FRMPD4: variants seen among roughly 807,000 people sequenced by gnomAD.
FRMPD4 encodes the protein FERM and PDZ domain-containing protein 4.
FRMPD4 carries 22 observed loss-of-function variants against 94.1 expected under a neutral mutation model. That is an observed-to-expected ratio of 0.23 (90% confidence interval 0.17 to 0.33). The LOEUF (loss-of-function observed/expected upper bound fraction) is 0.33, where lower values mean the gene tolerates loss of function less well. FRMPD4 is among the 10% of genes least tolerant of loss of function. FRMPD4 has a pLI of 1.00. For missense variants in FRMPD4, 1,111 were observed against 1,339.9 expected (o/e 0.83, Z 2.67); for synonymous variants, 631 against 548.6 (o/e 1.15, Z -2.10).
chrX:12,483,510 G>A (rs1320380821), intron 1 of FRMPD4, among the ~76,000 whole-genome samples: 1 of 112,169 alleles, frequency 8.9e-6, no homozygotes, highest in African/African-American at 3.2e-5. Flanking sequence ...TATAAACAAA[G>A]TAGGAGTTCT....
At chrX:12,445,229 A>G (rs942469643) in intron 1 of FRMPD4, among the ~76,000 whole-genome samples, 4 of 112,316 alleles carry the variant, frequency 3.6e-5, no homozygotes, top group Non-Finnish European at 5.6e-5. Flanking sequence ...TAGAAATGAA[A>G]AACTGTAGGT....
Position 12,229,729 on chromosome X carries a change from TA to T in FRMPD4, c.41+90718del, listed in dbSNP as rs755763869. Reference sequence around the variant, plus strand: ...CATCTTGAAAAGATCTTAGTTCCATTATCTTCCTCCCTTGAGCTATGGACAT... The same window carrying T: ...CATCTTGAAAAGATCTTAGTTCCATTTCTTCCTCCCTTGAGCTATGGACAT... On this transcript the variant is annotated intron_variant, in intron 1 of 16. Coordinates refer to ENST00000675598, the MANE Select transcript of FRMPD4 (RefSeq NM_001368397.1). Among the ~76,000 whole-genome samples, 7 of 111,974 alleles carry T rather than the reference TA, an allele frequency of 6.3e-5. No homozygotes were observed. In the East Asian group the frequency reaches 1.7e-3, roughly 27 times the overall value.
intron 1 of FRMPD4, among the ~76,000 whole-genome samples, chrX:11,850,644 A>G (rs1212868227): frequency 8.9e-6 from 1 of 112,447 alleles, no homozygotes; most frequent in East Asian, 2.8e-4. Flanking sequence ...ATCCTGAAAC[A>G]TGATACAACA....
chrX:11,840,709 C>T, intron 1 of FRMPD4, among the ~76,000 whole-genome samples: 1 of 101,455 alleles, frequency 9.9e-6, no homozygotes, highest in Non-Finnish European at 2.0e-5. Flanking sequence ...AAGGAAGTTC[C>T]TTTATATTTT....
chrX:12,227,822 AGG>A (rs1160790883), intron 1 of FRMPD4, among the ~76,000 whole-genome samples: 7 of 95,601 alleles, frequency 7.3e-5, no homozygotes, highest in African/African-American at 2.4e-4. Context: ...AGAGAAAGAG[AGG>A]GAGAGAGAGA....
intron 3 of FRMPD4, among the ~76,000 whole-genome samples, chrX:12,133,431 C>A (rs1003867384): frequency 4.6e-5 from 5 of 107,774 alleles, no homozygotes; most frequent in Admixed American, 2.0e-4. Flanking sequence ...CATTTCTTTT[C>A]TTTATTTTTT....
At chrX:12,199,351 G>T (rs6640934) in intron 1 of FRMPD4, among the ~76,000 whole-genome samples, 23,365 of 107,630 alleles carry the variant, frequency 0.22, 2,391 homozygotes, top group East Asian at 0.61. Flanking sequence ...TTGAGCCTCT[G>T]CTCCTTTCCA....
At chrX:12,456,113 G>C (rs1277752920) in intron 1 of FRMPD4, among the ~76,000 whole-genome samples, 1 of 111,793 alleles carries the variant, frequency 8.9e-6, no homozygotes, top group African/African-American at 3.2e-5. Context: ...ATTTTCAAAT[G>C]GACATAAAGA....
chrX:12,512,929 G>A (rs2058058824), intron 2 of FRMPD4, among the ~76,000 whole-genome samples: 1 of 112,400 alleles, frequency 8.9e-6, no homozygotes, highest in East Asian at 2.8e-4. Context: ...GGCATGAGAT[G>A]ATATCTTATT....
At chrX:12,185,614 G>A (rs773111114) in intron 1 of FRMPD4, among the ~76,000 whole-genome samples, 1 of 103,339 alleles carries the variant, frequency 9.7e-6, no homozygotes, top group East Asian at 3.9e-4. Flanking sequence ...ACAATTGCTG[G>A]AATGGGAAAC....
chrX:11,966,067 G>GTGAAAA (rs1156712743), intron 3 of FRMPD4, among the ~76,000 whole-genome samples: 2 of 112,168 alleles, frequency 1.8e-5, no homozygotes, highest in Admixed American at 1.9e-4. Context: ...TTAAAATAGA[G>GTGAAAA]TGAAAATATA....
intron 3 of FRMPD4, among the ~76,000 whole-genome samples, chrX:11,914,297 T>TC (rs1367996766): frequency 1.9e-4 from 20 of 107,327 alleles, no homozygotes; most frequent in African/African-American, 6.8e-4. Context: ...TTTTCTTTTT[T>TC]TTTTTTTTTT....
chrX:12,421,924 T>G (rs2056889061), intron 1 of FRMPD4, among the ~76,000 whole-genome samples: 1 of 111,234 alleles, frequency 9.0e-6, no homozygotes, highest in African/African-American at 3.3e-5. Context: ...CTTTATTATG[T>G]TCTTCCCTCT....
intron 3 of FRMPD4, among the ~76,000 whole-genome samples, chrX:11,923,869 T>C (rs2054071148): frequency 8.9e-6 from 1 of 111,737 alleles, no homozygotes; most frequent in Admixed American, 9.4e-5. Flanking sequence ...AAAGCCAGAG[T>C]GCCTTCTTCT....
chrX:12,599,429 A>G (rs1283978016), intron 2 of FRMPD4, among the ~76,000 whole-genome samples: 1 of 111,780 alleles, frequency 8.9e-6, no homozygotes, highest in Non-Finnish European at 1.9e-5. Context: ...TACATTTCCA[A>G]TCCCCAAAGG....
At chrX:11,977,968 T>C (rs1369730965) in intron 3 of FRMPD4, among the ~76,000 whole-genome samples, 5 of 110,218 alleles carry the variant, frequency 4.5e-5, no homozygotes, top group Admixed American at 1.9e-4. Context: ...TGGAGAGGTA[T>C]GATGAGGCAT....
chrX:12,101,211 C>T (rs994000829), intron 3 of FRMPD4, among the ~76,000 whole-genome samples: 4 of 110,821 alleles, frequency 3.6e-5, no homozygotes. Flanking sequence ...ATATATATAT[C>T]CATTGATGGT....
At chrX:11,897,664 A>G (rs1306364578) in intron 3 of FRMPD4, among the ~76,000 whole-genome samples, 1 of 112,410 alleles carries the variant, frequency 8.9e-6, no homozygotes, top group Non-Finnish European at 1.9e-5. Context: ...GCTTTTATTC[A>G]TTCATTCAGT....
At chrX:12,012,609 G>C (rs1052918140) in intron 3 of FRMPD4, among the ~76,000 whole-genome samples, 1 of 111,945 alleles carries the variant, frequency 8.9e-6, no homozygotes, top group Non-Finnish European at 1.9e-5. Flanking sequence ...AAACCAGGAA[G>C]GCCAGACAAT....
Sources: gnomAD v4.1 joint callset for allele counts (sites outside exome capture counted in the v4.1 genomes callset) on GRCh38, gnomAD v4.1.1 for gene constraint, MANE v1.5 for transcripts, NCBI Gene and HGNC (gene_info 2026-07-23, HGNC 2026-07-21) for gene names.